Variants in NRXN1 observed in about 807,000 individuals in gnomAD.
NRXN1 encodes the protein neurexin-1.
In NRXN1, 39 loss-of-function variants were observed where a neutral mutation model predicts 150.9. That is an observed-to-expected ratio of 0.26 (90% confidence interval 0.20 to 0.34). The LOEUF is 0.34. Ranked by LOEUF, NRXN1 falls within the 10% of genes least tolerant of loss-of-function variation. The probability of loss-of-function intolerance (pLI) is 1.00; values close to 1 mark genes in which losing one functional copy is unlikely to be tolerated. For missense variants in NRXN1, 1,815 were observed against 1,949.9 expected (o/e 0.93, Z 1.30); for synonymous variants, 924 against 757.0 (o/e 1.22, Z -3.62).
intron 18 of NRXN1, among the ~76,000 whole-genome samples, chr2:50,104,142 G>A (rs1056926313): frequency 2.0e-5 from 3 of 151,948 alleles, no homozygotes; most frequent in Admixed American, 6.6e-5. Flanking sequence ...ACTCATTAGT[G>A]GTCATCTACT....
intron 2 of NRXN1, among the ~76,000 whole-genome samples, chr2:51,006,175 T>C (rs1700694582): frequency 6.6e-6 from 1 of 151,874 alleles, no homozygotes; most frequent in South Asian, 2.1e-4. Flanking sequence ...CAGCTATTTA[T>C]TTCCAATTTC....
intron 16 of NRXN1, among the ~76,000 whole-genome samples, chr2:50,469,474 A>G (rs577666523): frequency 6.6e-6 from 1 of 151,656 alleles, no homozygotes; most frequent in South Asian, 2.1e-4. Context: ...TATACCAAAC[A>G]TATGCTAAGT....
chr2:50,977,357 T>C (rs957313770), intron 2 of NRXN1, among the ~76,000 whole-genome samples: 31 of 151,908 alleles, frequency 2.0e-4, no homozygotes, highest in Admixed American at 1.1e-3. Flanking sequence ...ATATTTTATA[T>C]GTGATACATA....
intron 5 of NRXN1, among the ~76,000 whole-genome samples, chr2:50,883,267 C>A (rs913646619): frequency 2.0e-5 from 3 of 151,722 alleles, no homozygotes; most frequent in Non-Finnish European, 4.4e-5. Flanking sequence ...ATATACTGAT[C>A]CATATAAGCT....
chr2:50,483,870 A>AT (rs1230571699), intron 15 of NRXN1, among the ~76,000 whole-genome samples: 1 of 152,176 alleles, frequency 6.6e-6, no homozygotes, highest in Non-Finnish European at 1.5e-5. Flanking sequence ...TAAAGCTGTT[A>AT]TTTTTTCCCG....
intron 8 of NRXN1, among the ~76,000 whole-genome samples, chr2:50,618,764 TAATAATAATAATAATA>T (rs1175042383): frequency 2.7e-5 from 4 of 149,552 alleles, no homozygotes; most frequent in African/African-American, 4.9e-5. Context: ...ATTAGTACTA[TAATAATAATAATAATA>T]AATAATAATA....
rs1221770823 is a variant in NRXN1, at chr2:50,154,119, T to C, written c.3547-62625A>G. On this transcript the variant is annotated intron_variant, in intron 18 of 22. Coordinates refer to ENST00000401669, the MANE Select transcript of NRXN1 (RefSeq NM_001330078.2). ...ATTGTATCAGTGCAATTATTGTCTA[T>C]ATAAAAAGACAGATTCCTGGTGCTT... Among the ~76,000 whole-genome samples, 6 of 151,808 alleles carry C rather than the reference T, an allele frequency of 4.0e-5. No homozygotes were observed. The South Asian group carries it at 6.2e-4, about 16-fold the overall frequency.
chr2:50,172,897 G>A (rs1266076725), intron 18 of NRXN1, among the ~76,000 whole-genome samples: 2 of 152,158 alleles, frequency 1.3e-5, no homozygotes, highest in Admixed American at 6.6e-5. Flanking sequence ...AACTTGGGAG[G>A]TGGAGGTTAC....
intron 2 of NRXN1, among the ~76,000 whole-genome samples, chr2:50,980,548 T>C (rs1360518237): frequency 6.6e-6 from 1 of 152,124 alleles, no homozygotes; most frequent in Non-Finnish European, 1.5e-5. Context: ...ATAGTAGTGA[T>C]AGTTTATGAA....
chr2:50,496,334 G>A (rs913800259), intron 14 of NRXN1, among the ~76,000 whole-genome samples: 2 of 152,108 alleles, frequency 1.3e-5, no homozygotes, highest in Non-Finnish European at 2.9e-5. Flanking sequence ...TAAAATCATG[G>A]TCTACATTTA....
intron 18 of NRXN1, among the ~76,000 whole-genome samples, chr2:50,186,283 T>C (rs1255867717): frequency 1.3e-5 from 2 of 152,046 alleles, no homozygotes; most frequent in African/African-American, 2.4e-5. Context: ...CATTACCAAA[T>C]TGGTAAATAA....
intron 21 of NRXN1, among the ~76,000 whole-genome samples, chr2:50,014,868 T>C (rs1311186472): frequency 6.6e-6 from 1 of 152,132 alleles, no homozygotes; most frequent in African/African-American, 2.4e-5. Flanking sequence ...GTAAGTCTCG[T>C]TTGAACTGAT....
rs72887834 is a variant in NRXN1 at position 49,988,603 on chromosome 2, T to C, written c.4129-44812A>G. ...ACCCTCCTTAAACTAATTTTGGTCTTGACACAGTTAACTATTAAAAAAAAA... is the reference window on the plus strand; with the variant it reads ...ACCCTCCTTAAACTAATTTTGGTCTCGACACAGTTAACTATTAAAAAAAAA... On this transcript the variant is annotated intron_variant, in intron 21 of 22. Coordinates refer to ENST00000401669, the MANE Select transcript of NRXN1 (RefSeq NM_001330078.2). 6.5e-3 allele frequency among the ~76,000 whole-genome samples: 919 copies of C among 142,052 alleles called. 13 individuals are homozygous for C. Among genetic ancestry groups the C allele is most frequent in the African/African-American group, 0.023 (880 of 38,784 alleles). The allele number at this position is 142,052 out of a possible 152,430, so 93.2% of individuals were successfully genotyped here.
At chr2:50,055,764 A>C (rs2152631421) in intron 19 of NRXN1, among the ~76,000 whole-genome samples, 1 of 152,322 alleles carries the variant, frequency 6.6e-6, no homozygotes, top group Admixed American at 6.5e-5. Context: ...TGAAGCAAAT[A>C]ACATTTGAAA....
chr2:50,033,061 A>G (rs911431573), intron 21 of NRXN1, among the ~76,000 whole-genome samples: 4 of 151,676 alleles, frequency 2.6e-5, no homozygotes, highest in South Asian at 2.1e-4. Context: ...TTAAAATCTT[A>G]TATATGTTAT....
In NRXN1 at chr2:50,028,962, GC is replaced by G. The variant is rs762993183; in HGVS notation, c.4128+24308del. 1.8e-4 allele frequency among the ~76,000 whole-genome samples: 27 copies of G among 152,306 alleles called. 1 individual carries two copies. The highest frequency in any genetic ancestry group is 4.1e-4 in the South Asian group (2 of 4,828). ...TACAAAATTTGTCTTCATGGAGCTT[GC>G]AATGCTGTTAGTGAGTTTGATGGTC... On this transcript the variant is annotated intron_variant, in intron 21 of 22. Transcript: ENST00000401669.
intron 15 of NRXN1, among the ~76,000 whole-genome samples, chr2:50,480,229 G>A (rs897745856): frequency 6.6e-6 from 1 of 152,202 alleles, no homozygotes; most frequent in African/African-American, 2.4e-5. Context: ...TGTAGAAAGA[G>A]ATACAGAGAT....
intron 5 of NRXN1, among the ~76,000 whole-genome samples, chr2:50,782,198 A>AT (rs1704439922): frequency 1.3e-5 from 2 of 152,138 alleles, no homozygotes; most frequent in African/African-American, 2.4e-5. Context: ...AAGGGAAAAT[A>AT]TTTTTTTAAA....
At chr2:51,014,178 T>C (rs924974240) in intron 2 of NRXN1, among the ~76,000 whole-genome samples, 1 of 152,078 alleles carries the variant, frequency 6.6e-6, no homozygotes, top group East Asian at 1.9e-4. Context: ...CCAGGATGAC[T>C]GTAACACATT....
Sources: allele counts gnomAD v4.1 joint callset (sites outside exome capture counted in the v4.1 genomes callset), GRCh38; gene constraint gnomAD v4.1.1; transcripts MANE v1.5; gene names NCBI Gene and HGNC (gene_info 2026-07-23, HGNC 2026-07-21).